Variants in SGCZ observed in about 807,000 individuals in gnomAD.
The protein encoded by SGCZ is sarcoglycan zeta.
Under a neutral mutation model 41.3 loss-of-function variants are expected in SGCZ, and 40 were observed. The ratio of observed to expected loss-of-function variants is 0.97; its 90% CI spans 0.75 to 1.26. The LOEUF (loss-of-function observed/expected upper bound fraction) is 1.26, where lower values mean the gene tolerates loss of function less well. SGCZ is among the 50% of genes most tolerant of loss of function. The probability of loss-of-function intolerance (pLI) is 0.00; values close to 1 mark genes in which losing one functional copy is unlikely to be tolerated. For synonymous variants in SGCZ, 206 were observed against 137.5 expected (o/e 1.50, Z -3.49); for missense variants, 552 against 369.8 (o/e 1.49, Z -4.04).
At chr8:14,342,329 CT>C (rs1382167300) in intron 2 of SGCZ, among the ~76,000 whole-genome samples, 1 of 151,072 alleles carries the variant, frequency 6.6e-6, no homozygotes, top group East Asian at 1.9e-4. Context: ...CTTTTTTTTT[CT>C]TTTTGAGGTG....
intron 3 of SGCZ, among the ~76,000 whole-genome samples, chr8:14,291,272 C>T (rs1800832458): frequency 6.6e-6 from 1 of 152,010 alleles, no homozygotes; most frequent in South Asian, 2.1e-4. Flanking sequence ...ATGTATTGTA[C>T]ATTTCAAAAT....
intron 1 of SGCZ, among the ~76,000 whole-genome samples, chr8:14,867,894 C>A (rs922678305): frequency 6.7e-6 from 1 of 149,832 alleles, no homozygotes; most frequent in African/African-American, 2.5e-5. Context: ...ACAAACTGTA[C>A]TTGTGCCCCT....
At position 14,085,470 on chromosome 8, in the gene SGCZ, A is replaced by G. The variant is rs1476365674; in HGVS notation, c.*4973T>C. 6.6e-6 allele frequency among the ~76,000 whole-genome samples: 1 copy of G among 151,758 alleles called. No individual in the cohort carries two copies. The highest frequency in any genetic ancestry group is 1.5e-5 in the Non-Finnish European group (1 of 67,786). The stretch of plus-strand genomic sequence containing the variant: ...ACAAATGAGATACTAAGACTGAAAA[A>G]AACAAAAAATAACTACAGTTCATTA... On this transcript the variant is annotated 3_prime_UTR_variant, in exon 8 of 8. Coordinates refer to ENST00000382080, the MANE Select transcript of SGCZ (RefSeq NM_139167.4).
chr8:14,829,623 T>A (rs1295990111), intron 1 of SGCZ, among the ~76,000 whole-genome samples: 2 of 152,184 alleles, frequency 1.3e-5, no homozygotes, highest in African/African-American at 4.8e-5. Flanking sequence ...TCCAATTTTC[T>A]GCACAAATTT....
intron 1 of SGCZ, among the ~76,000 whole-genome samples, chr8:15,039,612 G>A (rs1418320582): frequency 2.0e-5 from 3 of 152,124 alleles, no homozygotes; most frequent in Non-Finnish European, 4.4e-5. Context: ...ACTTTGTTGA[G>A]AATATTTCCA....
intron 1 of SGCZ, among the ~76,000 whole-genome samples, chr8:15,069,354 T>C (rs1805269883): frequency 2.0e-5 from 3 of 152,148 alleles, no homozygotes; most frequent in African/African-American, 7.2e-5. Context: ...GTTTTGAAAG[T>C]GTATTGGTCA....
intron 4 of SGCZ, among the ~76,000 whole-genome samples, chr8:14,224,699 T>G (rs920293650): frequency 2.0e-5 from 3 of 152,104 alleles, no homozygotes; most frequent in African/African-American, 7.2e-5. Flanking sequence ...AATTATAAAA[T>G]GGCCAGGGAG....
At chr8:14,933,850 G>A (rs1800000605) in intron 1 of SGCZ, among the ~76,000 whole-genome samples, 1 of 151,962 alleles carries the variant, frequency 6.6e-6, no homozygotes, top group Non-Finnish European at 1.5e-5. Context: ...CATACCAATT[G>A]TTAAATATTT....
rs138567716 is a variant in SGCZ, at chr8:14,679,361, T to C, written c.40-124435A>G. 5.1e-3 allele frequency among the ~76,000 whole-genome samples: 769 copies of C among 152,048 alleles called. 10 individuals carry two copies. Among genetic ancestry groups the C allele is most frequent in the African/African-American group, 0.018 (735 of 41,494 alleles). ...ATAGGAGATGACAACTCTATGCCTG[T>C]TATTGGCCCTGAAGACATGTTAGTG... is the stretch of plus-strand genomic sequence containing the variant. On this transcript the variant is annotated intron_variant, in intron 1 of 7. Transcript: ENST00000382080.
intron 4 of SGCZ, among the ~76,000 whole-genome samples, chr8:14,184,069 T>A (rs1047966858): frequency 6.6e-5 from 10 of 152,138 alleles, no homozygotes; most frequent in African/African-American, 2.2e-4. Context: ...CACAACAGAA[T>A]TACAGGTAAA....
intron 1 of SGCZ, among the ~76,000 whole-genome samples, chr8:14,780,396 G>C (rs1283668251): frequency 3.4e-5 from 5 of 146,162 alleles, no homozygotes; most frequent in Non-Finnish European, 7.5e-5. Context: ...AAAAAGAAAA[G>C]AAAAGAAAAC....
intron 1 of SGCZ, among the ~76,000 whole-genome samples, chr8:14,998,749 G>A (rs912540832): frequency 6.6e-6 from 1 of 152,178 alleles, no homozygotes; most frequent in Non-Finnish European, 1.5e-5. Flanking sequence ...CAGGGATCTA[G>A]ATGTAGCAAT....
chr8:15,100,980 A>C (rs1806591107), intron 1 of SGCZ, among the ~76,000 whole-genome samples: 1 of 152,146 alleles, frequency 6.6e-6, no homozygotes, highest in Non-Finnish European at 1.5e-5. Flanking sequence ...TGTCTCAAAA[A>C]AAAAAAAATA....
At position 14,129,586 on chromosome 8, in the gene SGCZ, G is replaced by T. The variant is rs978440663; in HGVS notation, c.548-21351C>A. On this transcript the variant is annotated intron_variant, in intron 5 of 7. Coordinates refer to ENST00000382080, the MANE Select transcript of SGCZ (RefSeq NM_139167.4). The stretch of plus-strand genomic sequence containing the variant: ...CAGGGCTCAGAAGGAAATTTAAAAA[G>T]ATAAGAACATCCATTATAAAAGAAG... Among the ~76,000 whole-genome samples the T allele has an allele frequency of 1.8e-4, 28 of 151,358 alleles. 2 individuals are homozygous for T. The highest frequency in any genetic ancestry group is 1.6e-3 in the Admixed American group (24 of 15,186).
intron 1 of SGCZ, among the ~76,000 whole-genome samples, chr8:14,793,499 T>C (rs1335729044): frequency 6.6e-6 from 1 of 152,096 alleles, no homozygotes; most frequent in African/African-American, 2.4e-5. Flanking sequence ...AGAGGAGACA[T>C]AGCAATACAT....
At chr8:14,874,635 A>C (rs1286585773) in intron 1 of SGCZ, among the ~76,000 whole-genome samples, 1 of 152,178 alleles carries the variant, frequency 6.6e-6, no homozygotes, top group Non-Finnish European at 1.5e-5. Flanking sequence ...CCTTTCTTAA[A>C]TTCAGTGACA....
At chr8:14,338,757 A>T (rs148055962) in intron 2 of SGCZ, among the ~76,000 whole-genome samples, 1,686 of 152,206 alleles carry the variant, frequency 0.011, 27 homozygotes, top group African/African-American at 0.037. Context: ...TTTTGCCTTT[A>T]CAATAAGTTT....
intron 2 of SGCZ, 64 bp from the exon 3 acceptor site, chr8:14,324,268 T>A (rs1221842672): frequency 1.7e-6 from 2 of 1,169,050 alleles, no homozygotes; most frequent in African/African-American, 1.5e-5. Flanking sequence ...GGCCATAATT[T>A]TCTTAGGCCT....
chr8:15,037,156 G>A (rs1803902764), intron 1 of SGCZ, among the ~76,000 whole-genome samples: 1 of 152,126 alleles, frequency 6.6e-6, no homozygotes, highest in South Asian at 2.1e-4. Flanking sequence ...ATCTCATCAT[G>A]AATTGTAGTC....
Sources: gnomAD v4.1 joint callset for allele counts (sites outside exome capture counted in the v4.1 genomes callset) on GRCh38, gnomAD v4.1.1 for gene constraint, MANE v1.5 for transcripts, NCBI Gene and HGNC (gene_info 2026-07-23, HGNC 2026-07-21) for gene names.